Variants in SNX29 observed in about 807,000 individuals in gnomAD.
The protein encoded by SNX29 is sorting nexin 29.
Under a neutral mutation model 102.1 loss-of-function variants are expected in SNX29, and 78 were observed. The ratio of observed to expected loss-of-function variants is 0.76; its 90% CI spans 0.64 to 0.92. The LOEUF (loss-of-function observed/expected upper bound fraction) is 0.92. Ranked by LOEUF, SNX29 falls within the 40% of genes least tolerant of loss-of-function variation. The pLI is 0.00. For synonymous variants in SNX29, 580 were observed against 414.5 expected, an observed-to-expected ratio of 1.40 and a Z score of -4.85; for missense variants, 1,280 against 1,061.7, an observed-to-expected ratio of 1.21 and a Z score of -2.86.
intron 1 of SNX29, chr16:11,983,739 G>A: frequency 2.0e-6 from 2 of 982,876 alleles, no homozygotes; most frequent in Non-Finnish European, 2.4e-6. Flanking sequence ...AATGCTTAGA[G>A]CTCTTAAAAT....
intron 9 of SNX29, among the ~76,000 whole-genome samples, chr16:12,063,985 G>A (rs748643067): frequency 2.0e-5 from 3 of 152,066 alleles, no homozygotes; most frequent in Non-Finnish European, 4.4e-5. Context: ...GAGAGAGCAG[G>A]TGGTCCCAGG....
Position 12,108,553 on chromosome 16 carries a change from A to G in SNX29, c.1403-18080A>G, listed in dbSNP as rs970406857. On this transcript the variant is annotated intron_variant, in intron 11 of 20. Coordinates refer to ENST00000566228, the MANE Select transcript of SNX29 (RefSeq NM_032167.5). ...AGGCATCCAAGCTTGTTGGGTGACT[A>G]CTATATCTGGGCAGTGTGCATGCGG... Among the ~76,000 whole-genome samples, 8 of 152,280 alleles carry G rather than the reference A, an allele frequency of 5.3e-5. No individual in the cohort carries two copies. In the East Asian group the frequency reaches 1.2e-3, roughly 22 times the overall value.
chr16:12,259,504 C>A (rs2078671359), intron 14 of SNX29, among the ~76,000 whole-genome samples: 1 of 152,164 alleles, frequency 6.6e-6, no homozygotes, highest in African/African-American at 2.4e-5. Flanking sequence ...ACCTGGCTCC[C>A]CGCAGCTTTT....
Position 12,568,621 on chromosome 16 carries a change from G to GA in SNX29, c.2435dup (p.Asp812GlufsTer63). 6.2e-7 allele frequency: 1 copy of GA among 1,603,088 alleles called. No individual in the cohort carries two copies. Among genetic ancestry groups the GA allele is most frequent in the Non-Finnish European group, 8.5e-7 (1 of 1,179,780 alleles). On this transcript the variant is annotated frameshift_variant, in exon 21 of 21. Transcript: ENST00000566228. LOFTEE classifies it high-confidence loss of function. The stretch of plus-strand genomic sequence containing the variant: ...CCGCAACGTGGAGCCCCAGAGCGGT[G>GA]ACCTCTGACCTCGACAAAACCGCAG...
At chr16:12,027,914 C>T (rs1246310431) in intron 4 of SNX29, among the ~76,000 whole-genome samples, 6 of 152,178 alleles carry the variant, frequency 3.9e-5, no homozygotes, top group Non-Finnish European at 8.8e-5. Flanking sequence ...ACTATTAATG[C>T]TTAGTACTTA....
rs561980101 is a variant in SNX29, at chr16:12,252,021, G to A, written c.1679-25912G>A. On this transcript the variant is annotated intron_variant, in intron 14 of 20. Coordinates refer to ENST00000566228, the MANE Select transcript of SNX29 (RefSeq NM_032167.5). ...AGCAGTCCTCTCACCTTGGCCTCCT[G>A]AATAGTGGGATTACGGATATGAGCC... is the stretch of plus-strand genomic sequence containing the variant. Among the ~76,000 whole-genome samples the A allele has an allele frequency of 2.0e-4, 31 of 152,216 alleles. No homozygotes were observed. In the South Asian group the frequency reaches 2.3e-3, roughly 11 times the overall value.
At chr16:12,191,095 A>G (rs979535933) in intron 13 of SNX29, among the ~76,000 whole-genome samples, 4 of 152,204 alleles carry the variant, frequency 2.6e-5, no homozygotes, top group Non-Finnish European at 5.9e-5. Flanking sequence ...AAACCGTTCC[A>G]TCTCAGATCC....
At chr16:12,468,249 A>G (rs1045210757) in intron 18 of SNX29, among the ~76,000 whole-genome samples, 36 of 130,946 alleles carry the variant, frequency 2.7e-4, no homozygotes, top group Non-Finnish European at 4.9e-4. Context: ...ATCTCAGCTC[A>G]CTGTAACCTC....
chr16:11,995,727 G>C (rs1357902111), intron 1 of SNX29, among the ~76,000 whole-genome samples: 1 of 151,652 alleles, frequency 6.6e-6, no homozygotes. Context: ...ATTCAGGTGT[G>C]AAAGGAGCCG....
Position 12,268,031 on chromosome 16 carries a change from G to A in SNX29, c.1679-9902G>A, listed in dbSNP as rs183260819. On this transcript the variant is annotated intron_variant, in intron 14 of 20. Coordinates refer to ENST00000566228, the MANE Select transcript of SNX29 (RefSeq NM_032167.5). ...GGCCCTTTGCATTTGCGGTTCCCGGGAACGTTCTCTGCAGGGCTGTGCGGA... is the reference window on the plus strand; with the variant it reads ...GGCCCTTTGCATTTGCGGTTCCCGGAAACGTTCTCTGCAGGGCTGTGCGGA... 1.7e-4 allele frequency among the ~76,000 whole-genome samples: 26 copies of A among 152,292 alleles called. 1 individual carries two copies. Among genetic ancestry groups the A allele is most frequent in the Admixed American group, 1.5e-3 (23 of 15,294 alleles).
Position 12,549,711 on chromosome 16 carries a change from G to A in SNX29, c.2319-18795G>A, listed in dbSNP as rs140705017. On this transcript the variant is annotated intron_variant, in intron 20 of 20. Coordinates refer to ENST00000566228, the MANE Select transcript of SNX29 (RefSeq NM_032167.5). ...ATGTCGCAGATGCTGCTTGGGGCCA[G>A]GAGAGTCACCCTACAAAGTGTGTTC... Among the ~76,000 whole-genome samples, 30 of 152,348 alleles carry A rather than the reference G, an allele frequency of 2.0e-4. No individual in the cohort carries two copies. In the East Asian group the frequency reaches 5.4e-3, roughly 27 times the overall value.
intron 15 of SNX29, among the ~76,000 whole-genome samples, chr16:12,289,960 A>C (rs2151058202): frequency 6.6e-6 from 1 of 152,274 alleles, no homozygotes; most frequent in East Asian, 1.9e-4. Flanking sequence ...TGCAGGCAAC[A>C]TAAAGGGCTC....
At chr16:12,455,322 G>C (rs906654795) in intron 18 of SNX29, among the ~76,000 whole-genome samples, 3 of 152,122 alleles carry the variant, frequency 2.0e-5, no homozygotes, top group African/African-American at 7.2e-5. Context: ...CAGACCCTGG[G>C]TCTACCCCAT....
Position 12,510,739 on chromosome 16 carries a change from C to T in SNX29, c.2179-13963C>T, listed in dbSNP as rs564480812. Among the ~76,000 whole-genome samples, 4 of 152,222 alleles carry T rather than the reference C, an allele frequency of 2.6e-5. No individual in the cohort carries two copies. The South Asian group carries it at 8.3e-4, about 32-fold the overall frequency. On this transcript the variant is annotated intron_variant, in intron 19 of 20. Transcript: ENST00000566228. ...TTTCCTCCTCTCCTCCCCCACCCCC[C>T]AGCTGTCCAGCCTGCAGTTTGCGTT... is the stretch of plus-strand genomic sequence containing the variant.
At chr16:12,327,652 T>C (rs897878222) in intron 15 of SNX29, among the ~76,000 whole-genome samples, 8 of 152,164 alleles carry the variant, frequency 5.3e-5, no homozygotes, top group Non-Finnish European at 1.0e-4. Flanking sequence ...GGTTTGGATT[T>C]GAACATGTGA....
intron 20 of SNX29, among the ~76,000 whole-genome samples, chr16:12,566,630 A>T (rs533399496): frequency 1.1e-4 from 16 of 152,176 alleles, no homozygotes; most frequent in Non-Finnish European, 1.8e-4. Context: ...GCAAGCAAAG[A>T]CCTCCTTCCA....
intron 19 of SNX29, among the ~76,000 whole-genome samples, chr16:12,480,341 C>T (rs755587299): frequency 5.3e-5 from 8 of 152,122 alleles, no homozygotes; most frequent in Non-Finnish European, 1.0e-4. Context: ...CTCATTTTTG[C>T]CTTATGGCCT....
chr16:12,495,052 C>A (rs1021851994), intron 19 of SNX29, among the ~76,000 whole-genome samples: 10 of 152,354 alleles, frequency 6.6e-5, no homozygotes, highest in African/African-American at 2.4e-4. Flanking sequence ...CCTTCAAGCT[C>A]TTTCTTGCCT....
At chr16:12,433,256 A>T (rs1333331146) in intron 18 of SNX29, among the ~76,000 whole-genome samples, 2 of 152,170 alleles carry the variant, frequency 1.3e-5, no homozygotes, top group Non-Finnish European at 2.9e-5. Context: ...GATAATGTCG[A>T]TGTAACGAGC....
Sources: allele counts gnomAD v4.1 joint callset (sites outside exome capture counted in the v4.1 genomes callset), GRCh38; gene constraint gnomAD v4.1.1; transcripts MANE v1.5; gene names NCBI Gene and HGNC (gene_info 2026-07-23, HGNC 2026-07-21).